Variants in ZNF626 observed in about 807,000 individuals in gnomAD.
ZNF626 encodes CTC-513N18.7.
ZNF626 carries 4 observed loss-of-function variants against 11.7 expected under a neutral mutation model. The ratio of observed to expected loss-of-function variants is 0.34; its 90% CI spans 0.17 to 0.78. The LOEUF (loss-of-function observed/expected upper bound fraction) is 0.78. Ranked by LOEUF, ZNF626 falls within the 30% of genes least tolerant of loss-of-function variation. The pLI, the probability that ZNF626 is intolerant of heterozygous loss-of-function variation, is 0.57. For missense variants in ZNF626, 588 were observed against 587.1 expected, an observed-to-expected ratio of 1.00 and a Z score of -0.01; for synonymous variants, 179 against 198.6, an observed-to-expected ratio of 0.90 and a Z score of 0.83.
intron 1 of ZNF626, among the ~76,000 whole-genome samples, chr19:20,660,018 C>T (rs1970247060): frequency 6.6e-6 from 1 of 151,930 alleles, no homozygotes; most frequent in Non-Finnish European, 1.5e-5. Context: ...CCGATAATGC[C>T]AGCACTTTGG....
chr19:20,656,851 G>A (rs1482740899), intron 1 of ZNF626, among the ~76,000 whole-genome samples: 1 of 152,134 alleles, frequency 6.6e-6, no homozygotes, highest in Non-Finnish European at 1.5e-5. Context: ...TGGTGGGAGT[G>A]TAAATTAGTT....
At chr19:20,641,131 A>G (rs1174892488) in intron 3 of ZNF626, among the ~76,000 whole-genome samples, 2 of 115,464 alleles carry the variant, frequency 1.7e-5, no homozygotes, top group Non-Finnish European at 1.7e-5. Context: ...GTGAGACTCC[A>G]TCTCAAAAAA....
intron 1 of ZNF626, among the ~76,000 whole-genome samples, chr19:20,653,588 C>G (rs1481985495): frequency 6.7e-6 from 1 of 149,992 alleles, no homozygotes; most frequent in Non-Finnish European, 1.5e-5. Flanking sequence ...CAGATAGCAC[C>G]ACTGCACTCC....
intron 3 of ZNF626, among the ~76,000 whole-genome samples, 157 bp from the exon 4 acceptor site, chr19:20,625,807 C>A (rs1167740491): frequency 1.3e-5 from 2 of 151,124 alleles, no homozygotes; most frequent in Admixed American, 1.3e-4. Context: ...ATGAATTTAA[C>A]AAAAACATAC....
intron 3 of ZNF626, 88 bp from the exon 4 acceptor site, chr19:20,625,738 A>G: frequency 7.5e-7 from 1 of 1,332,640 alleles, no homozygotes; most frequent in Non-Finnish European, 9.9e-7. Flanking sequence ...GTTTTATACA[A>G]ACTACATAAG....
intron 3 of ZNF626, among the ~76,000 whole-genome samples, chr19:20,635,632 A>G (rs1555770840): frequency 7.2e-5 from 11 of 152,162 alleles, no homozygotes; most frequent in Non-Finnish European, 1.6e-4. Context: ...AGAAAATTTT[A>G]TTGTTAATTT....
chr19:20,640,629 C>T (rs1555771334), intron 3 of ZNF626, among the ~76,000 whole-genome samples: 1 of 146,072 alleles, frequency 6.8e-6, no homozygotes, highest in East Asian at 2.0e-4. Context: ...TTTGAAAGGA[C>T]ACAGAAAATT....
At chr19:20,627,441 G>T (rs1372189630) in intron 3 of ZNF626, among the ~76,000 whole-genome samples, 1 of 151,188 alleles carries the variant, frequency 6.6e-6, no homozygotes, top group East Asian at 1.9e-4. Context: ...TATTTGTATG[G>T]ATACACAAAA....
intron 3 of ZNF626, among the ~76,000 whole-genome samples, chr19:20,626,954 G>C (rs1969842254): frequency 6.6e-6 from 1 of 152,106 alleles, no homozygotes; most frequent in South Asian, 2.1e-4. Flanking sequence ...GGCAGAGGTA[G>C]CTATGAGCTG....
chr19:20,631,766 T>A (rs1478958474), intron 3 of ZNF626, among the ~76,000 whole-genome samples: 1 of 151,566 alleles, frequency 6.6e-6, no homozygotes, highest in South Asian at 2.1e-4. Context: ...TGTCTTTTAA[T>A]TGGAGCATTT....
intron 3 of ZNF626, among the ~76,000 whole-genome samples, chr19:20,628,268 G>A (rs1275024164): frequency 3.9e-5 from 6 of 152,156 alleles, no homozygotes; most frequent in East Asian, 1.9e-4. Flanking sequence ...ATAGCAGCAT[G>A]ATTTATAATC....
chr19:20,625,364 T>A lies in ZNF626; in HGVS notation c.513A>T (p.Lys171Asn). ...NGQKRGHTGKKPFKYIECGKA... is the reference protein window; with the variant it reads ...NGQKRGHTGKNPFKYIECGKA... ...TGCCACATTCTATATATTTGAAAGG[T>A]TTTTTCCCAGTATGTCCTCTCTTTT... is the stretch of plus-strand genomic sequence containing the variant. The change falls in exon 4 of 4, where the codon AAA (lysine) becomes AAT (asparagine). Residue 171 changes from lysine to asparagine, a missense_variant. Lys to Asn is a moderately conservative substitution (Grantham distance 94, BLOSUM62 0). This residue lies in a region of ZNF626 where 524 missense variants were observed against 470.1 expected (regional missense o/e 1.11). Transcript: ENST00000601440. 2 of 1,613,826 alleles carry A rather than the reference T, an allele frequency of 1.2e-6. No individual in the cohort carries two copies. The highest frequency in any genetic ancestry group is 1.7e-6 in the Non-Finnish European group (2 of 1,179,828).
chr19:20,660,675 G>A (rs1970256578), intron 1 of ZNF626, among the ~76,000 whole-genome samples: 1 of 152,100 alleles, frequency 6.6e-6, no homozygotes, highest in Non-Finnish European at 1.5e-5. Flanking sequence ...ACCTGCCTCG[G>A]CCTCCGAAGT....
chr19:20,650,894 G>C (rs995186819), intron 1 of ZNF626, among the ~76,000 whole-genome samples: 1 of 152,088 alleles, frequency 6.6e-6, no homozygotes, highest in Non-Finnish European at 1.5e-5. Flanking sequence ...CAGGATGAAA[G>C]AAATAGAAAT....
chr19:20,650,309 A>G (rs1970132561), intron 1 of ZNF626, among the ~76,000 whole-genome samples: 1 of 152,168 alleles, frequency 6.6e-6, no homozygotes, highest in Admixed American at 6.5e-5. Flanking sequence ...ATGGAAGGCA[A>G]GAGTTTAATG....
chr19:20,624,926 T>C lies in ZNF626; in HGVS notation c.951A>G (p.Glu317=), dbSNP rs1969806175. 6.2e-7 allele frequency: 1 copy of C among 1,613,952 alleles called. No homozygotes were observed. The highest frequency in any genetic ancestry group is 1.1e-5 in the South Asian group (1 of 91,072). The change falls in exon 4 of 4, where the codon GAA becomes GAG. Residue 317 remains glutamate (E), a synonymous_variant. Transcript: ENST00000601440. ...HTGEKPYKCE[E]CDKAFKYSYT... ...AGGAGTACTTAAAGGCTTTGTCACA[T>C]TCTTCACATTTGTAGGGTTTTTCTC...
At chr19:20,659,303 CG>C (rs1234942514) in intron 1 of ZNF626, among the ~76,000 whole-genome samples, 14 of 152,054 alleles carry the variant, frequency 9.2e-5, no homozygotes, top group Admixed American at 9.2e-4. Context: ...GCCTTGGCAC[CG>C]TCTCAGCTCA....
chr19:20,633,260 C>T (rs1162103870), intron 3 of ZNF626, among the ~76,000 whole-genome samples: 8 of 152,216 alleles, frequency 5.3e-5, no homozygotes, highest in East Asian at 1.9e-4. Context: ...GCAGTCTGCC[C>T]ATTCTCAGAT....
rs149139610 is a variant in ZNF626, at chr19:20,628,026, G to A, written c.227-2376C>T. On this transcript the variant is annotated intron_variant, in intron 3 of 3. Transcript: ENST00000601440. ...TTCCCACCTATTAGTGAGAACATGC[G>A]GTGTTTGGTTTTTTGTCCTTGCGAT... Among the ~76,000 whole-genome samples, 878 of 152,190 alleles carry A rather than the reference G, an allele frequency of 5.8e-3. 10 individuals carry two copies. The highest frequency in any genetic ancestry group is 0.02 in the African/African-American group (815 of 41,526).
Sources: allele counts gnomAD v4.1 joint callset (sites outside exome capture counted in the v4.1 genomes callset), GRCh38; gene constraint gnomAD v4.1.1; regional missense constraint gnomAD v4.1.1; transcripts MANE v1.5; gene names NCBI Gene and HGNC (gene_info 2026-07-23, HGNC 2026-07-21).